CACNA1A: variants seen among roughly 807,000 people sequenced by gnomAD.
CACNA1A encodes the protein voltage-dependent P/Q-type calcium channel subunit alpha-1A.
CACNA1A carries 57 observed loss-of-function variants against 262.4 expected under a neutral mutation model. The ratio of observed to expected loss-of-function variants is 0.22; its 90% confidence interval spans 0.18 to 0.27. The LOEUF (loss-of-function observed/expected upper bound fraction) is 0.27, where lower values mean the gene tolerates loss of function less well. Among genes scored for constraint, CACNA1A ranks in the 10% least tolerant of loss-of-function variants. CACNA1A has a pLI of 1.00. For missense variants in CACNA1A, 2,526 were observed against 3,562.8 expected (o/e 0.71, Z 7.41); for synonymous variants, 1,431 against 1,419.3 (o/e 1.01, Z -0.18).
intron 6 of CACNA1A, among the ~76,000 whole-genome samples, chr19:13,344,103 A>G (rs2058720517): frequency 6.6e-6 from 1 of 151,954 alleles, no homozygotes. Flanking sequence ...AGTCCCAGCT[A>G]CTGGGGATGC....
chr19:13,331,426 G>A (rs2058466667), intron 9 of CACNA1A, among the ~76,000 whole-genome samples: 1 of 151,944 alleles, frequency 6.6e-6, no homozygotes, highest in African/African-American at 2.4e-5. Flanking sequence ...TAGTAGAGAT[G>A]GGGTTTCGCC....
chr19:13,261,247 G>A (rs1189762108), intron 26 of CACNA1A: 1 of 530,034 alleles, frequency 1.9e-6, no homozygotes, highest in Non-Finnish European at 3.4e-6. Context: ...ATTTGCTTAT[G>A]ACTCATTCTG....
chr19:13,251,551 A>G (rs1335510656), intron 30 of CACNA1A, among the ~76,000 whole-genome samples: 1 of 152,210 alleles, frequency 6.6e-6, no homozygotes, highest in East Asian at 1.9e-4. Context: ...AATCACAAGC[A>G]ACATTTTAAA....
chr19:13,284,765 T>TGACAAATTTATTTGTTGTTTAG (rs1475936960), intron 21 of CACNA1A, among the ~76,000 whole-genome samples: 2 of 152,354 alleles, frequency 1.3e-5, no homozygotes, highest in South Asian at 4.1e-4. Context: ...TGTTTATTTA[T>TGACAAATTTATTTGTTGTTTAG]GACAAATTTA....
rs2060465588 is a variant in CACNA1A, at chr19:13,429,447, G to A, written c.539+23429C>T. Among the ~76,000 whole-genome samples, 3 of 150,888 alleles carry A rather than the reference G, an allele frequency of 2.0e-5. No homozygotes were observed. In the South Asian group the frequency reaches 6.3e-4, roughly 32 times the overall value. ...GAGGGATTTCACACATCTTCCTCCC[G>A]GGGTGTTTTTAAAAAACGCTGACAC... On this transcript the variant is annotated intron_variant, in intron 3 of 46. Coordinates refer to ENST00000360228, the MANE Select transcript of CACNA1A (RefSeq NM_001127222.2).
At chr19:13,414,979 A>AAAC (rs1272695079) in intron 3 of CACNA1A, among the ~76,000 whole-genome samples, 6 of 152,004 alleles carry the variant, frequency 3.9e-5, no homozygotes, top group South Asian at 2.1e-4. Context: ...AAAGCAAAAC[A>AAAC]AACAACAACA....
At chr19:13,210,528 G>T (rs997283503) in intron 44 of CACNA1A, 89 bp downstream of exon 44, 3 of 1,194,872 alleles carry the variant, frequency 2.5e-6, no homozygotes, top group African/African-American at 3.1e-5. Context: ...GTCCGGGGAC[G>T]GTGAGAGATG....
intron 1 of CACNA1A, among the ~76,000 whole-genome samples, chr19:13,480,998 T>C (rs1979229910): frequency 6.6e-6 from 1 of 152,174 alleles, no homozygotes; most frequent in South Asian, 2.1e-4. Context: ...CCCACTTTTG[T>C]TGCTTGAGGG....
At chr19:13,268,893 CT>C (rs3050832) in intron 24 of CACNA1A, among the ~76,000 whole-genome samples, 148 of 107,894 alleles carry the variant, frequency 1.4e-3, no homozygotes, top group Middle Eastern at 6.4e-3. Flanking sequence ...ATAGATTCTA[CT>C]TTTTTTTTTT....
intron 1 of CACNA1A, among the ~76,000 whole-genome samples, chr19:13,461,758 G>A (rs576777440): frequency 6.6e-6 from 1 of 152,246 alleles, no homozygotes; most frequent in Non-Finnish European, 1.5e-5. Flanking sequence ...TGATTGGCTC[G>A]GAGAGAAAGC....
At chr19:13,488,893 C>G (rs56039262) in intron 1 of CACNA1A, among the ~76,000 whole-genome samples, 1 of 151,698 alleles carries the variant, frequency 6.6e-6, no homozygotes, top group East Asian at 1.9e-4. Flanking sequence ...TGCTCTAGAT[C>G]TGCACTATTC....
intron 12 of CACNA1A, among the ~76,000 whole-genome samples, chr19:13,310,168 G>C (rs759284957): frequency 5.9e-5 from 9 of 151,822 alleles, no homozygotes; most frequent in Non-Finnish European, 1.3e-4. Context: ...AAAAAATACA[G>C]TTTAAGGCGG....
intron 19 of CACNA1A, among the ~76,000 whole-genome samples, chr19:13,293,439 CTTTT>C (rs974515720): frequency 4.9e-5 from 4 of 80,894 alleles, no homozygotes; most frequent in East Asian, 4.9e-4. Flanking sequence ...TCAGTTAAAT[CTTTT>C]TTTTTTTTTT....
At chr19:13,345,401 C>T (rs2058746513) in intron 6 of CACNA1A, among the ~76,000 whole-genome samples, 1 of 152,134 alleles carries the variant, frequency 6.6e-6, no homozygotes, top group Admixed American at 6.6e-5. Context: ...AAGTAAATAA[C>T]AATGGGCCCA....
intron 11 of CACNA1A, among the ~76,000 whole-genome samples, chr19:13,313,556 TAACC>T (rs2058075721): frequency 7.3e-6 from 1 of 137,638 alleles, no homozygotes; most frequent in South Asian, 2.6e-4. Flanking sequence ...ACCAACAAGC[TAACC>T]AACCTTAGGC....
intron 10 of CACNA1A, among the ~76,000 whole-genome samples, chr19:13,327,862 C>T (rs62109079): frequency 0.25 from 37,266 of 151,332 alleles, 5,753 homozygotes; most frequent in African/African-American, 0.45. Flanking sequence ...CGTGAGCCAC[C>T]GCGCCCGGCC....
chr19:13,505,742 G>T (rs1377113811), intron 1 of CACNA1A, among the ~76,000 whole-genome samples, 190 bp downstream of exon 1: 2 of 151,378 alleles, frequency 1.3e-5, no homozygotes, highest in Non-Finnish European at 3.0e-5. Context: ...AGCCTCCAGG[G>T]TAGCTCAACC....
chr19:13,280,358 T>A lies in CACNA1A; in HGVS notation c.3822+2909A>T, dbSNP rs199854482. Among the ~76,000 whole-genome samples, 120 of 123,862 alleles carry A rather than the reference T, an allele frequency of 9.7e-4. 1 individual carries two copies. Among genetic ancestry groups the A allele is most frequent in the African/African-American group, 2.0e-3 (58 of 28,724 alleles). The allele number at this position is 123,862 out of a possible 152,430, so 81.3% of individuals were successfully genotyped here. On this transcript the variant is annotated intron_variant, in intron 22 of 46. Coordinates refer to ENST00000360228, the MANE Select transcript of CACNA1A (RefSeq NM_001127222.2). ...GCTCGGTTAATTAAAAAAAAAAAAA[T>A]TTTTTTTTTTTTTGGTAGAGGTGGG...
intron 3 of CACNA1A, among the ~76,000 whole-genome samples, chr19:13,390,037 T>A (rs1250706570): frequency 6.6e-6 from 1 of 151,508 alleles, no homozygotes; most frequent in African/African-American, 2.4e-5. Context: ...GTGGTCTCGA[T>A]CTCCTGACCT....
Sources: gnomAD v4.1 joint callset for allele counts (sites outside exome capture counted in the v4.1 genomes callset) on GRCh38, gnomAD v4.1.1 for gene constraint, MANE v1.5 for transcripts, NCBI Gene and HGNC (gene_info 2026-07-23, HGNC 2026-07-21) for gene names.